SREK1IP1: variants seen among roughly 807,000 people sequenced by gnomAD.
The protein encoded by SREK1IP1 is protein SREK1IP1.
A neutral mutation model predicts 22.8 loss-of-function variants in SREK1IP1; 12 were observed. The observed-to-expected ratio is 0.53, with a 90% CI of 0.34 to 0.85. The LOEUF is 0.85. Ranked by LOEUF, SREK1IP1 falls within the 40% of genes least tolerant of loss-of-function variation. The pLI is 0.02. For synonymous variants in SREK1IP1, 53 were observed against 52.7 expected (o/e 1.01, Z -0.02); for missense variants, 147 against 171.8 (o/e 0.86, Z 0.81).
At chr5:64,748,769 A>G (rs1742686748) in intron 2 of SREK1IP1, among the ~76,000 whole-genome samples, 1 of 152,186 alleles carries the variant, frequency 6.6e-6, no homozygotes, top group South Asian at 2.1e-4. Flanking sequence ...AAACTGAAAC[A>G]CAGTGATCAA....
chr5:64,750,099 T>C (rs1229608614), intron 2 of SREK1IP1, among the ~76,000 whole-genome samples: 1 of 152,158 alleles, frequency 6.6e-6, no homozygotes. Context: ...TGCCACGAGA[T>C]TGAATGGACA....
At chr5:64,730,361 C>A (rs1184019831) in intron 3 of SREK1IP1, among the ~76,000 whole-genome samples, 1 of 151,892 alleles carries the variant, frequency 6.6e-6, no homozygotes, top group Non-Finnish European at 1.5e-5. Context: ...AGAAGTTTAG[C>A]TAGAAAGCAG....
rs546878684 is a variant in SREK1IP1, at chr5:64,754,298, T to A, written c.61+17A>T. ...AGTATGAATAATGCAAAGCATGTCA[T>A]CTTTTAGAATACTTACGGTAGCCAC... is the stretch of plus-strand genomic sequence containing the variant. On this transcript the variant is annotated intron_variant, in intron 2 of 4. Transcript: ENST00000513458. 1.9e-6 allele frequency: 3 copies of A among 1,613,024 alleles called. No individual in the cohort carries two copies. Among genetic ancestry groups the A allele is most frequent in the Non-Finnish European group, 2.5e-6 (3 of 1,179,036 alleles).
At chr5:64,758,568 A>T (rs1742890312) in intron 1 of SREK1IP1, among the ~76,000 whole-genome samples, 1 of 152,206 alleles carries the variant, frequency 6.6e-6, no homozygotes, top group African/African-American at 2.4e-5. Context: ...AAGCTCAGAG[A>T]ATTGGGGTCA....
At chr5:64,748,960 T>G (rs1056293822) in intron 2 of SREK1IP1, among the ~76,000 whole-genome samples, 2 of 151,846 alleles carry the variant, frequency 1.3e-5, no homozygotes, top group Admixed American at 6.6e-5. Context: ...TAGCACTAAA[T>G]AGGTATTTAA....
At chr5:64,758,505 T>C (rs918099750) in intron 1 of SREK1IP1, among the ~76,000 whole-genome samples, 5 of 152,188 alleles carry the variant, frequency 3.3e-5, no homozygotes, top group African/African-American at 1.2e-4. Context: ...TAAAATCAAA[T>C]GAATAATATA....
intron 1 of SREK1IP1, among the ~76,000 whole-genome samples, chr5:64,756,407 T>C (rs1383513996): frequency 6.6e-6 from 1 of 152,200 alleles, no homozygotes; most frequent in African/African-American, 2.4e-5. Context: ...TATAGGGAAA[T>C]CATACAATAT....
chr5:64,723,307 T>A lies in SREK1IP1; in HGVS notation c.*1077A>T, dbSNP rs982128686. On this transcript the variant is annotated 3_prime_UTR_variant, in exon 5 of 5. Coordinates refer to ENST00000513458, the MANE Select transcript of SREK1IP1 (RefSeq NM_173829.4). ...AAATTCTCAATTCTTTTTTTGACAC[T>A]TTTTACTCTTGAGTTTGCCACTAAA... 6.6e-6 allele frequency: 1 copy of A among 152,316 alleles called. No homozygotes were observed. The highest frequency in any genetic ancestry group is 1.9e-4 in the East Asian group (1 of 5,192). 9.4% of individuals were successfully genotyped at this position (152,316 alleles called of 1,614,324 possible).
intron 2 of SREK1IP1, among the ~76,000 whole-genome samples, chr5:64,745,411 C>T (rs958230835): frequency 3.9e-5 from 6 of 152,018 alleles, no homozygotes; most frequent in Middle Eastern, 6.8e-3. Context: ...GCCAACATGG[C>T]GAAATCCTGT....
intron 1 of SREK1IP1, among the ~76,000 whole-genome samples, chr5:64,763,725 A>G (rs1015388378): frequency 1.3e-5 from 2 of 152,204 alleles, no homozygotes; most frequent in African/African-American, 2.4e-5. Context: ...TATGATGGGT[A>G]TAACTTTGAA....
At chr5:64,736,869 C>T (rs1250896517) in intron 3 of SREK1IP1, among the ~76,000 whole-genome samples, 1 of 151,206 alleles carries the variant, frequency 6.6e-6, no homozygotes, top group African/African-American at 2.4e-5. Flanking sequence ...CTTGGTCTGA[C>T]ATTAAAATTG....
chr5:64,767,690 C>G (rs1743069402), intron 1 of SREK1IP1, among the ~76,000 whole-genome samples: 1 of 152,062 alleles, frequency 6.6e-6, no homozygotes, highest in Non-Finnish European at 1.5e-5. Flanking sequence ...GTATTCTATT[C>G]TAATAGAATA....
chr5:64,721,172 A>C lies in SREK1IP1; in HGVS notation c.*3212T>G, dbSNP rs923720293. On this transcript the variant is annotated 3_prime_UTR_variant, in exon 5 of 5. Coordinates refer to ENST00000513458, the MANE Select transcript of SREK1IP1 (RefSeq NM_173829.4). ...CCCGAGTTTCTATAAACTCATGTTC[A>C]TGTCAATTACTGCACTAATTATATA... The C allele has an allele frequency of 6.6e-6, 1 of 152,210 alleles. No homozygotes were observed. Among genetic ancestry groups the C allele is most frequent in the African/African-American group, 2.4e-5 (1 of 41,454 alleles). 9.4% of individuals were successfully genotyped at this position (152,210 alleles called of 1,614,324 possible).
rs1162204217 is a variant in SREK1IP1 at position 64,757,908 on chromosome 5, C to G, written c.14-3546G>C. 2.6e-5 allele frequency among the ~76,000 whole-genome samples: 3 copies of G among 114,286 alleles called. No homozygotes were observed. In the Admixed American group the frequency reaches 4.2e-4, roughly 16 times the overall value. 75.0% of individuals were successfully genotyped at this position (114,286 alleles called of 152,430 possible). ...TTTTTGAGACGGAGTCTGCCTCTGT[C>G]GCCCAGGCTGGAGTGCAGTGGCGTG... On this transcript the variant is annotated intron_variant, in intron 1 of 4. Coordinates refer to ENST00000513458, the MANE Select transcript of SREK1IP1 (RefSeq NM_173829.4).
intron 2 of SREK1IP1, among the ~76,000 whole-genome samples, chr5:64,748,040 C>T (rs1023689917): frequency 9.9e-5 from 15 of 152,136 alleles, no homozygotes; most frequent in Admixed American, 2.0e-4. Flanking sequence ...AACAGATACT[C>T]GTACATCAAC....
rs1473789415 is a variant in SREK1IP1 at position 64,719,579 on chromosome 5, T to C, written c.*4805A>G. On this transcript the variant is annotated 3_prime_UTR_variant, in exon 5 of 5. Transcript: ENST00000513458. ...TATTGTCTCAGGTGAAAATCTAGGT[T>C]GAGAAAAATTTAGTTAAGGCACTGG... 1 of 152,170 alleles carries C rather than the reference T, an allele frequency of 6.6e-6. No homozygotes were observed. The highest frequency in any genetic ancestry group is 1.5e-5 in the Non-Finnish European group (1 of 68,030). The allele number at this position is 152,170 out of a possible 1,614,324, so 9.4% of individuals were successfully genotyped here.
intron 2 of SREK1IP1, among the ~76,000 whole-genome samples, chr5:64,744,647 TC>T (rs879444941): frequency 2.0e-5 from 3 of 152,226 alleles, no homozygotes; most frequent in African/African-American, 7.2e-5. Context: ...TTTTTCCTTG[TC>T]CCTTTATTTT....
chr5:64,740,713 T>C (rs1443761338), intron 3 of SREK1IP1, among the ~76,000 whole-genome samples: 2 of 152,150 alleles, frequency 1.3e-5, no homozygotes, highest in African/African-American at 2.4e-5. Flanking sequence ...GATGGTTAAG[T>C]CACTTGGTGA....
At chr5:64,757,800 T>TATGCATTTTTTTAACCAATTAACGTGTAA (rs1742868871) in intron 1 of SREK1IP1, among the ~76,000 whole-genome samples, 1 of 152,008 alleles carries the variant, frequency 6.6e-6, no homozygotes, top group Non-Finnish European at 1.5e-5. Flanking sequence ...TTGTAGTATT[T>TATGCATTTTTTTAACCAATTAACGTGTAA]ATGCATTTTT....
Sources: gnomAD v4.1 joint callset for allele counts (sites outside exome capture counted in the v4.1 genomes callset) on GRCh38, gnomAD v4.1.1 for gene constraint, MANE v1.5 for transcripts, NCBI Gene and HGNC (gene_info 2026-07-23, HGNC 2026-07-21) for gene names.